MYSM1: variants seen among roughly 807,000 people sequenced by gnomAD.
MYSM1 encodes the protein deubiquitinase MYSM1.
A neutral mutation model predicts 116.0 loss-of-function variants in MYSM1; 51 were observed. That is an observed-to-expected ratio of 0.44 (90% CI 0.35 to 0.56). MYSM1 has a LOEUF of 0.56. MYSM1 is among the 20% of genes least tolerant of loss of function. The probability of loss-of-function intolerance (pLI) is 0.00; values close to 1 mark genes in which losing one functional copy is unlikely to be tolerated. For synonymous variants in MYSM1, 313 were observed against 315.2 expected (o/e 0.99, Z 0.07); for missense variants, 900 against 974.9 (o/e 0.92, Z 1.02).
intron 11 of MYSM1, among the ~76,000 whole-genome samples, chr1:58,672,362 A>G (rs1644576223): frequency 6.6e-6 from 1 of 152,146 alleles, no homozygotes; most frequent in Non-Finnish European, 1.5e-5. Flanking sequence ...TGTCTGGCCC[A>G]GTTATTTACT....
intron 6 of MYSM1, 109 bp downstream of exon 6, chr1:58,688,929 T>A (rs1644865916): frequency 1.1e-6 from 1 of 935,890 alleles, no homozygotes; most frequent in Non-Finnish European, 1.6e-6. Context: ...GTGTTAAAAC[T>A]GTAATTAAAA....
intron 8 of MYSM1, among the ~76,000 whole-genome samples, chr1:58,678,014 C>T (rs1644679495): frequency 6.6e-6 from 1 of 152,078 alleles, no homozygotes; most frequent in Non-Finnish European, 1.5e-5. Flanking sequence ...ACTAGAGATA[C>T]ACAGATAATG....
chr1:58,688,409 T>G (rs1644858761), intron 6 of MYSM1, among the ~76,000 whole-genome samples: 1 of 150,792 alleles, frequency 6.6e-6, no homozygotes, highest in Admixed American at 6.6e-5. Flanking sequence ...CTAATCTTGA[T>G]AGTAAAAAAA....
chr1:58,677,067 G>C lies in MYSM1; in HGVS notation c.1260-11C>G. On this transcript the variant is annotated splice_polypyrimidine_tract_variant and intron_variant, in intron 8 of 19. Coordinates refer to ENST00000472487, the MANE Select transcript of MYSM1 (RefSeq NM_001085487.3). ...GGTTTGCATATCTCCCTAATTAAGA[G>C]ACAGAAGTACAATTATTTTGGATAA... 6.3e-7 allele frequency: 1 copy of C among 1,583,614 alleles called. No individual in the cohort carries two copies. The highest frequency in any genetic ancestry group is 8.6e-7 in the Non-Finnish European group (1 of 1,167,278).
chr1:58,699,928 C>A, intron 1 of MYSM1, 57 bp downstream of exon 1: 1 of 1,609,608 alleles, frequency 6.2e-7, no homozygotes. Context: ...TCCCAGGGCC[C>A]GCTCCTTCAA....
At chr1:58,677,126 T>C in intron 8 of MYSM1, 70 bp from the exon 9 acceptor site, 1 of 1,371,622 alleles carries the variant, frequency 7.3e-7, no homozygotes, top group East Asian at 2.4e-5. Context: ...TGGGGAAAAC[T>C]TTCAATATTT....
rs564015108 is a variant in MYSM1 at position 58,655,425 on chromosome 1, T to G, written c.*4572A>C. The G allele has an allele frequency of 6.6e-6, 1 of 152,230 alleles. No homozygotes were observed. The highest frequency in any genetic ancestry group is 2.1e-4 in the South Asian group (1 of 4,824). 9.4% of individuals were successfully genotyped at this position (152,230 alleles called of 1,614,324 possible). A position where few individuals can be genotyped will look rare whatever the true frequency, so the allele number is the denominator to read the frequency against. ...AACTTAATTTTTACCTTCTCAAACTTCTGTTTAGAGCTCTTGGCATAATCA... is the reference window on the plus strand; with the variant it reads ...AACTTAATTTTTACCTTCTCAAACTGCTGTTTAGAGCTCTTGGCATAATCA... On this transcript the variant is annotated 3_prime_UTR_variant, in exon 20 of 20. Transcript: ENST00000472487.
chr1:58,689,733 G>GC (rs1165865475), intron 5 of MYSM1: 1 of 153,816 alleles, frequency 6.5e-6, no homozygotes, highest in East Asian at 1.9e-4. Flanking sequence ...TTGGGCAATT[G>GC]CAAATACGTA....
intron 1 of MYSM1, among the ~76,000 whole-genome samples, chr1:58,697,182 A>T (rs1644987736): frequency 6.6e-6 from 1 of 152,156 alleles, no homozygotes; most frequent in African/African-American, 2.4e-5. Context: ...AGGAATGATG[A>T]AGTTTAGGTC....
chr1:58,686,012 A>C (rs746618756), intron 6 of MYSM1, among the ~76,000 whole-genome samples: 1 of 152,010 alleles, frequency 6.6e-6, no homozygotes, highest in Non-Finnish European at 1.5e-5. Context: ...TGCAGCCTCA[A>C]CCTCCTAGGC....
At chr1:58,669,697 G>A (rs1012106331) in intron 12 of MYSM1, among the ~76,000 whole-genome samples, 11 of 151,670 alleles carry the variant, frequency 7.3e-5, no homozygotes, top group Middle Eastern at 3.4e-3. Flanking sequence ...GCGTGGTGGC[G>A]TGTGCCTGTA....
At chr1:58,682,610 A>C (rs1323876308) in intron 7 of MYSM1, 65 bp from the exon 8 acceptor site, 1 of 1,379,820 alleles carries the variant, frequency 7.2e-7, no homozygotes, top group Non-Finnish European at 9.7e-7. Context: ...ACTGGTACAC[A>C]CAAAAAAGGA....
chr1:58,670,997 T>C (rs1015953847), intron 12 of MYSM1, among the ~76,000 whole-genome samples: 6 of 152,234 alleles, frequency 3.9e-5, no homozygotes, highest in Admixed American at 6.5e-5. Flanking sequence ...ATTTTTTACA[T>C]AGTTTATCTA....
At chr1:58,661,823 AAAG>A (rs1290782334) in intron 17 of MYSM1, among the ~76,000 whole-genome samples, 1 of 152,092 alleles carries the variant, frequency 6.6e-6, no homozygotes, top group African/African-American at 2.4e-5. Context: ...TTTTTGAATG[AAAG>A]AAGGTACTAT....
At chr1:58,698,895 A>G (rs181025444) in intron 1 of MYSM1, among the ~76,000 whole-genome samples, 4 of 152,322 alleles carry the variant, frequency 2.6e-5, no homozygotes, top group African/African-American at 7.2e-5. Flanking sequence ...TAAACACACT[A>G]TCTTAGTGCC....
intron 2 of MYSM1, among the ~76,000 whole-genome samples, chr1:58,694,827 C>T (rs1416539648): frequency 1.3e-5 from 2 of 152,050 alleles, no homozygotes; most frequent in East Asian, 3.9e-4. Flanking sequence ...AGCCACCTTG[C>T]CCACCTACCA....
chr1:58,667,142 T>A lies in MYSM1; in HGVS notation c.1927A>T (p.Thr643Ser). Residue 643 changes from threonine to serine, a missense_variant, in exon 16 of 20, where the codon ACC becomes TCC. Physicochemically the swap from Thr to Ser is moderately conservative, Grantham distance 58 (BLOSUM62 1). Around this residue, in one of 3 missense-constraint regions of MYSM1, gnomAD observed 92 missense variants for 155.0 expected, o/e 0.59. Coordinates refer to ENST00000472487, the MANE Select transcript of MYSM1 (RefSeq NM_001085487.3). Reference protein sequence around the residue: ...DPVSQTQASETLAVRGFSVIG... With the variant: ...DPVSQTQASESLAVRGFSVIG... ...ACACTGAAGCCTCTAACAGCCAAGG[T>A]TTCTGAGGCCTGTGTTTGTGATACA... The A allele has an allele frequency of 1.2e-6, 2 of 1,613,420 alleles. No individual in the cohort carries two copies. Among genetic ancestry groups the A allele is most frequent in the Non-Finnish European group, 1.7e-6 (2 of 1,179,620 alleles).
At chr1:58,694,098 TC>T (rs1644939126) in intron 2 of MYSM1, among the ~76,000 whole-genome samples, 1 of 152,164 alleles carries the variant, frequency 6.6e-6, no homozygotes, top group Non-Finnish European at 1.5e-5. Flanking sequence ...TCTCACCTCC[TC>T]TGAGATTCCC....
At chr1:58,690,280 G>A (rs1424536324) in intron 4 of MYSM1, 31 bp from the exon 5 acceptor site, 16 of 1,575,296 alleles carry the variant, frequency 1.0e-5, no homozygotes, top group Non-Finnish European at 1.4e-5. Context: ...AAATAAGGAA[G>A]CGTGTGAGGT....
Sources: allele counts gnomAD v4.1 joint callset (sites outside exome capture counted in the v4.1 genomes callset), GRCh38; gene constraint gnomAD v4.1.1; regional missense constraint gnomAD v4.1.1; transcripts MANE v1.5; gene names NCBI Gene and HGNC (gene_info 2026-07-23, HGNC 2026-07-21).